The following CCDC178 variants were observed in gnomAD, a reference collection of about 807,000 sequenced individuals.
CCDC178 encodes coiled-coil domain containing 178.
A neutral mutation model predicts 117.4 loss-of-function variants in CCDC178; 126 were observed. The ratio of observed to expected loss-of-function variants is 1.07; its 90% CI spans 0.93 to 1.24. The LOEUF (loss-of-function observed/expected upper bound fraction) is 1.24, where lower values mean the gene tolerates loss of function less well. Among genes scored for constraint, CCDC178 ranks in the 50% most tolerant of loss-of-function variants. CCDC178 has a pLI of 0.00. For synonymous variants in CCDC178, 283 were observed against 313.4 expected (o/e 0.90, Z 1.02); for missense variants, 1,030 against 986.9 (o/e 1.04, Z -0.59).
intron 18 of CCDC178, among the ~76,000 whole-genome samples, chr18:33,220,676 GC>G (rs2059221750): frequency 6.6e-6 from 1 of 152,026 alleles, no homozygotes; most frequent in Admixed American, 6.6e-5. Context: ...CCGTGTGTTT[GC>G]CCTTTGTCAG....
At chr18:32,979,474 A>G (rs959158823) in intron 21 of CCDC178, among the ~76,000 whole-genome samples, 1 of 152,214 alleles carries the variant, frequency 6.6e-6, no homozygotes, top group Non-Finnish European at 1.5e-5. Context: ...TTATAAATCA[A>G]TATGACCAAT....
chr18:33,168,984 G>T (rs1295415026), intron 20 of CCDC178, among the ~76,000 whole-genome samples: 2 of 152,142 alleles, frequency 1.3e-5, no homozygotes, highest in Non-Finnish European at 2.9e-5. Flanking sequence ...TAGAGTACAT[G>T]ATTATCTTAC....
At chr18:33,377,294 G>A (rs1469468911) in intron 5 of CCDC178, among the ~76,000 whole-genome samples, 2 of 152,146 alleles carry the variant, frequency 1.3e-5, no homozygotes, top group African/African-American at 4.8e-5. Flanking sequence ...TAATAGGGTT[G>A]TTTTAAGCTT....
At position 32,938,021 on chromosome 18, in the gene CCDC178, T is replaced by C. The variant is rs187351579; in HGVS notation, c.2594A>G (p.Asn865Ser). 1.2e-6 allele frequency: 2 copies of C among 1,612,870 alleles called. No individual in the cohort carries two copies. Among genetic ancestry groups the C allele is most frequent in the East Asian group, 4.5e-5 (2 of 44,852 alleles). Residue 865 changes from asparagine (N) to serine (S), a missense_variant, in exon 23 of 23, where the codon AAC becomes AGC. Physicochemically the swap from Asn to Ser is conservative, Grantham distance 46. Transcript: ENST00000383096. ...ACATTGGTTGTTTGCTTAACCATCG[T>C]TTTCGCATGTGCCATCTGTCAAAGT... ...FQTLTDGTCENDG is the reference protein window; with the variant it reads ...FQTLTDGTCESDG
At chr18:33,371,324 G>A (rs2063296334) in intron 5 of CCDC178, among the ~76,000 whole-genome samples, 1 of 151,580 alleles carries the variant, frequency 6.6e-6, no homozygotes, top group African/African-American at 2.4e-5. Flanking sequence ...CTTTTTATGA[G>A]CACTAAAAAT....
chr18:33,110,432 T>A (rs529108387), intron 20 of CCDC178, among the ~76,000 whole-genome samples: 1 of 151,758 alleles, frequency 6.6e-6, no homozygotes, highest in African/African-American at 2.4e-5. Context: ...ATTTCTTTCA[T>A]GGTTGGTACT....
intron 20 of CCDC178, among the ~76,000 whole-genome samples, chr18:33,107,098 C>A (rs1346516746): frequency 6.6e-6 from 1 of 151,664 alleles, no homozygotes; most frequent in Admixed American, 6.6e-5. Flanking sequence ...CATCAAGACC[C>A]AAGTCAGACT....
chr18:32,951,457 G>A (rs1021729905), intron 22 of CCDC178, among the ~76,000 whole-genome samples: 2 of 152,158 alleles, frequency 1.3e-5, no homozygotes, highest in African/African-American at 4.8e-5. Flanking sequence ...GCCAAATGAA[G>A]GGGGAAGCCC....
chr18:33,307,320 G>T lies in CCDC178; in HGVS notation c.1023-14008C>A, dbSNP rs116898736. 1.6e-3 allele frequency among the ~76,000 whole-genome samples: 247 copies of T among 152,300 alleles called. 2 individuals are homozygous for T. Among genetic ancestry groups the T allele is most frequent in the Non-Finnish European group, 2.6e-3 (177 of 68,028 alleles). ...TGAAGTCCAGGCTGAGGTGGTCTCA[G>T]ATGGAAATTAGGAACATTTTGGGGA... is the stretch of plus-strand genomic sequence containing the variant. On this transcript the variant is annotated intron_variant, in intron 11 of 22. Coordinates refer to ENST00000383096, the MANE Select transcript of CCDC178 (RefSeq NM_001105528.4).
At position 33,323,545 on chromosome 18, in the gene CCDC178, T is replaced by C. The variant is rs377284388; in HGVS notation, c.968A>G (p.Lys323Arg). The C allele has an allele frequency of 1.3e-6, 2 of 1,574,080 alleles. No individual in the cohort carries two copies. The highest frequency in any genetic ancestry group is 8.6e-7 in the Non-Finnish European group (1 of 1,160,004). ...ENARLKAQQI[K>R]EEIDKDIYQD... ...GTAAATATCCTTATCAATCTCTTCT[T>C]TAATTTGCTGAGCCTTCAATCTGGC... Residue 323 changes from lysine to arginine, a missense_variant, in exon 11 of 23, where the codon AAA (lysine) becomes AGA (arginine). Lys to Arg is a conservative substitution (Grantham distance 26, BLOSUM62 2). Coordinates refer to ENST00000383096, the MANE Select transcript of CCDC178 (RefSeq NM_001105528.4).
intron 20 of CCDC178, among the ~76,000 whole-genome samples, chr18:33,160,302 C>T (rs548761354): frequency 6.6e-6 from 1 of 152,236 alleles, no homozygotes; most frequent in South Asian, 2.1e-4. Context: ...TTGAAATATA[C>T]ACTTGAATTT....
chr18:33,389,649 C>T lies in CCDC178; in HGVS notation c.119-20G>A, dbSNP rs750683105. On this transcript the variant is annotated intron_variant, in intron 4 of 22. Transcript: ENST00000383096. ...CATTGCCTTTTAAAAAGAAAAAATA[C>T]ATATTTTAGTGAGTAGTTAATATTA... 7.7e-7 allele frequency: 1 copy of T among 1,306,656 alleles called. No individual in the cohort carries two copies. Among genetic ancestry groups the T allele is most frequent in the Non-Finnish European group, 1.0e-6 (1 of 965,132 alleles). The allele number at this position is 1,306,656 out of a possible 1,614,324, so 80.9% of individuals were successfully genotyped here. A position where few individuals can be genotyped will look rare whatever the true frequency, so the allele number is the denominator to read the frequency against.
At chr18:33,381,471 T>C (rs1319116714) in intron 5 of CCDC178, among the ~76,000 whole-genome samples, 2 of 152,180 alleles carry the variant, frequency 1.3e-5, no homozygotes, top group African/African-American at 4.8e-5. Flanking sequence ...ACCTCAGTCA[T>C]TTCTACCTTT....
chr18:33,351,690 G>A (rs2062982378), intron 7 of CCDC178, among the ~76,000 whole-genome samples: 1 of 152,048 alleles, frequency 6.6e-6, no homozygotes, highest in Non-Finnish European at 1.5e-5. Flanking sequence ...CTACTGGCAT[G>A]CGCCACCACA....
chr18:33,003,120 C>G (rs1265986143), intron 21 of CCDC178, among the ~76,000 whole-genome samples: 5 of 152,066 alleles, frequency 3.3e-5, no homozygotes, highest in Non-Finnish European at 5.9e-5. Context: ...TAATACCAAT[C>G]CTACTTAAAC....
chr18:33,290,986 C>T (rs1232892522), intron 12 of CCDC178, among the ~76,000 whole-genome samples: 1 of 152,092 alleles, frequency 6.6e-6, no homozygotes, highest in African/African-American at 2.4e-5. Flanking sequence ...GTGAAACATG[C>T]ATTCCAAAAA....
chr18:33,023,846 C>T (rs997482004), intron 21 of CCDC178, among the ~76,000 whole-genome samples: 12 of 152,132 alleles, frequency 7.9e-5, no homozygotes, highest in African/African-American at 2.9e-4. Context: ...AAACTTCTAG[C>T]AAGACTGTCA....
intron 21 of CCDC178, among the ~76,000 whole-genome samples, chr18:32,993,361 ATTACCACCC>A (rs974013168): frequency 6.6e-6 from 1 of 152,078 alleles, no homozygotes; most frequent in Non-Finnish European, 1.5e-5. Flanking sequence ...ACATCCAAAA[ATTACCACCC>A]TTACTATGGC....
chr18:33,015,124 T>C (rs972936990), intron 21 of CCDC178, among the ~76,000 whole-genome samples: 4 of 150,956 alleles, frequency 2.6e-5, no homozygotes, highest in South Asian at 2.1e-4. Context: ...GGTGTAGTGG[T>C]GGGTGCCTGT....
Sources: gnomAD v4.1 joint callset for allele counts (sites outside exome capture counted in the v4.1 genomes callset) on GRCh38, gnomAD v4.1.1 for gene constraint, MANE v1.5 for transcripts, NCBI Gene and HGNC (gene_info 2026-07-23, HGNC 2026-07-21) for gene names.